FANCC: variants seen among roughly 807,000 people sequenced by gnomAD.
FANCC encodes Fanconi anemia group C protein.
In FANCC, 55 loss-of-function variants were observed where a neutral mutation model predicts 71.3. The ratio of observed to expected loss-of-function variants is 0.77; its 90% CI spans 0.62 to 0.97. The LOEUF (loss-of-function observed/expected upper bound fraction) is 0.97, where lower values mean the gene tolerates loss of function less well. Ranked by LOEUF, FANCC falls within the 50% of genes least tolerant of loss-of-function variation. The pLI is 0.00. For synonymous variants in FANCC, 275 were observed against 244.9 expected (o/e 1.12, Z -1.15); for missense variants, 678 against 670.9 (o/e 1.01, Z -0.12).
At chr9:95,225,822 C>T (rs1209580944) in intron 4 of FANCC, among the ~76,000 whole-genome samples, 1 of 152,114 alleles carries the variant, frequency 6.6e-6, no homozygotes, top group East Asian at 1.9e-4. Context: ...CTCATTTTAC[C>T]CCTTTAGGGG....
chr9:95,194,550 C>T (rs1326030449), intron 4 of FANCC, among the ~76,000 whole-genome samples: 4 of 152,134 alleles, frequency 2.6e-5, no homozygotes, highest in South Asian at 2.1e-4. Context: ...TTGATAGGTG[C>T]GTAGTGATAG....
At chr9:95,153,411 G>A (rs1830289150) in intron 6 of FANCC, among the ~76,000 whole-genome samples, 1 of 151,354 alleles carries the variant, frequency 6.6e-6, no homozygotes, top group Non-Finnish European at 1.5e-5. Context: ...TTAGCTTTTT[G>A]AGGAATCTCC....
At chr9:95,192,651 A>T (rs917923638) in intron 4 of FANCC, among the ~76,000 whole-genome samples, 2 of 152,224 alleles carry the variant, frequency 1.3e-5, no homozygotes, top group East Asian at 1.9e-4. Flanking sequence ...TCAAATTTTT[A>T]AAATTACTAT....
chr9:95,267,606 C>T (rs1373233404), intron 1 of FANCC, among the ~76,000 whole-genome samples: 1 of 152,102 alleles, frequency 6.6e-6, no homozygotes, highest in African/African-American at 2.4e-5. Context: ...ATCACAAATT[C>T]ACTTCAGATG....
intron 4 of FANCC, among the ~76,000 whole-genome samples, chr9:95,229,942 C>T (rs1429880588): frequency 1.3e-5 from 2 of 152,084 alleles, no homozygotes; most frequent in African/African-American, 4.8e-5. Flanking sequence ...ATAATTTTAT[C>T]CATTCAGTAG....
intron 6 of FANCC, among the ~76,000 whole-genome samples, chr9:95,154,080 T>C (rs1344292912): frequency 1.3e-5 from 2 of 151,750 alleles, no homozygotes; most frequent in Non-Finnish European, 2.9e-5. Flanking sequence ...ACCCCATCTC[T>C]ACTAAAAATA....
At chr9:95,237,998 G>A (rs1176149204) in intron 4 of FANCC, among the ~76,000 whole-genome samples, 1 of 152,162 alleles carries the variant, frequency 6.6e-6, no homozygotes, top group Non-Finnish European at 1.5e-5. Context: ...TATCTATGCA[G>A]CATGTATTTT....
chr9:95,138,073 T>A (rs1827988508), intron 7 of FANCC, among the ~76,000 whole-genome samples: 1 of 152,238 alleles, frequency 6.6e-6, no homozygotes, highest in South Asian at 2.1e-4. Context: ...GTGGCTGGAA[T>A]GATGCTGTTT....
chr9:95,293,519 T>C, intron 1 of FANCC: 1 of 1,601,302 alleles, frequency 6.2e-7, no homozygotes, highest in Non-Finnish European at 8.5e-7. Context: ...AAAGTCCATC[T>C]AATACTTTAC....
rs903579597 is a variant in FANCC, at chr9:95,242,657, TAAAAA to T, written c.251-1919_251-1915del. Reference sequence around the variant, plus strand: ...AAAATTTTATTTTTTGGGAGAAAAATAAAAAAAGAGAAGGAGCCAGAGAAACTTCC... The same window carrying T: ...AAAATTTTATTTTTTGGGAGAAAAATAAGAGAAGGAGCCAGAGAAACTTCC... On this transcript the variant is annotated intron_variant, in intron 3 of 14. Coordinates refer to ENST00000289081, the MANE Select transcript of FANCC (RefSeq NM_000136.3). 2.0e-5 allele frequency among the ~76,000 whole-genome samples: 3 copies of T among 150,810 alleles called. No homozygotes were observed. The East Asian group carries it at 5.8e-4, about 29-fold the overall frequency.
intron 1 of FANCC, among the ~76,000 whole-genome samples, chr9:95,309,333 G>A (rs905047793): frequency 1.3e-5 from 2 of 152,082 alleles, no homozygotes; most frequent in Non-Finnish European, 2.9e-5. Flanking sequence ...AATAATAAAC[G>A]GTTACTCACT....
chr9:95,229,620 C>T (rs114688228), intron 4 of FANCC, among the ~76,000 whole-genome samples: 35 of 152,178 alleles, frequency 2.3e-4, no homozygotes, highest in African/African-American at 7.9e-4. Context: ...GGGAAAAGAT[C>T]AGGAATTAAT....
chr9:95,231,449 C>G (rs1479972113), intron 4 of FANCC, among the ~76,000 whole-genome samples: 1 of 125,030 alleles, frequency 8.0e-6, no homozygotes, highest in African/African-American at 2.5e-5. Context: ...CCTGGCCCCT[C>G]CTCTTCCTGT....
chr9:95,192,251 G>A (rs1827161270), intron 4 of FANCC, among the ~76,000 whole-genome samples: 1 of 152,132 alleles, frequency 6.6e-6, no homozygotes, highest in African/African-American at 2.4e-5. Flanking sequence ...TAGACATCGT[G>A]TTGCTATGTG....
chr9:95,199,601 G>A (rs1474858615), intron 4 of FANCC, among the ~76,000 whole-genome samples: 5 of 152,174 alleles, frequency 3.3e-5, no homozygotes, highest in Non-Finnish European at 2.9e-5. Flanking sequence ...GAGCACCACT[G>A]TGTGCCCAGC....
At chr9:95,204,014 T>C (rs1337181768) in intron 4 of FANCC, among the ~76,000 whole-genome samples, 2 of 152,200 alleles carry the variant, frequency 1.3e-5, no homozygotes, top group Admixed American at 1.3e-4. Flanking sequence ...AACACAACAA[T>C]GTATACTTAC....
chr9:95,107,381 C>T (rs1428933383), intron 13 of FANCC, 112 bp from the exon 14 acceptor site: 1 of 1,168,022 alleles, frequency 8.6e-7, no homozygotes, highest in South Asian at 1.3e-5. Flanking sequence ...AGCACTGGCC[C>T]CTGAGAGAGG....
chr9:95,293,938 A>T, intron 1 of FANCC: 1 of 1,589,398 alleles, frequency 6.3e-7, no homozygotes, highest in Non-Finnish European at 8.6e-7. Context: ...TAACATTATA[A>T]GCAACAGTTT....
intron 4 of FANCC, among the ~76,000 whole-genome samples, chr9:95,201,584 G>C (rs1056458623): frequency 1.3e-5 from 2 of 151,844 alleles, no homozygotes; most frequent in African/African-American, 4.8e-5. Context: ...ACAAAATTGC[G>C]ATTTCCTTTT....
Sources: gnomAD v4.1 joint callset for allele counts (sites outside exome capture counted in the v4.1 genomes callset) on GRCh38, gnomAD v4.1.1 for gene constraint, MANE v1.5 for transcripts, NCBI Gene and HGNC (gene_info 2026-07-23, HGNC 2026-07-21) for gene names.